ARHGEF38: variants seen among roughly 807,000 people sequenced by gnomAD.
ARHGEF38 encodes the protein Rho guanine nucleotide exchange factor 38.
A neutral mutation model predicts 79.9 loss-of-function variants in ARHGEF38; 79 were observed. The observed-to-expected ratio is 0.99, with a 90% CI of 0.82 to 1.19. The LOEUF is 1.19. ARHGEF38 is among the 50% of genes most tolerant of loss of function. ARHGEF38 has a pLI of 0.00. For missense variants in ARHGEF38, 962 were observed against 907.2 expected (o/e 1.06, Z -0.78); for synonymous variants, 366 against 328.3 (o/e 1.11, Z -1.24).
chr4:105,644,600 A>G (rs551077090), intron 5 of ARHGEF38, among the ~76,000 whole-genome samples: 53 of 152,372 alleles, frequency 3.5e-4, no homozygotes, highest in Admixed American at 5.9e-4. Flanking sequence ...TCACTGTGTG[A>G]TAGCAATGAT....
chr4:105,566,344 C>T (rs1342233826), intron 1 of ARHGEF38, among the ~76,000 whole-genome samples: 3 of 152,168 alleles, frequency 2.0e-5, no homozygotes, highest in African/African-American at 7.2e-5. Context: ...GGACTGATGT[C>T]CAGGCTGTGC....
chr4:105,586,559 T>C (rs918258954), intron 1 of ARHGEF38, among the ~76,000 whole-genome samples: 4 of 152,210 alleles, frequency 2.6e-5, no homozygotes, highest in Non-Finnish European at 5.9e-5. Context: ...GCAGGTTAAG[T>C]TAACATTGTG....
intron 13 of ARHGEF38, among the ~76,000 whole-genome samples, chr4:105,669,477 G>A (rs576355472): frequency 2.0e-5 from 3 of 152,100 alleles, no homozygotes; most frequent in Non-Finnish European, 2.9e-5. Flanking sequence ...TACATTTAAC[G>A]TCTTTATAGA....
At position 105,654,157 on chromosome 4, in the gene ARHGEF38, T is replaced by G; in HGVS notation, c.1101T>G (p.Leu367=). Residue 367 remains leucine, a synonymous_variant, in exon 8 of 14, where the codon CTT becomes CTG. Coordinates refer to ENST00000420470, the MANE Select transcript of ARHGEF38 (RefSeq NM_001242729.2). Reference sequence around the variant, plus strand: ...GTGTGAAGAACATTTCACTCTGTCTTCAACACATACAGGTAGGTGAGACAC... The same window carrying G: ...GTGTGAAGAACATTTCACTCTGTCTGCAACACATACAGGTAGGTGAGACAC... ...RLCVKNISLC[L]QHIQDAMPLA... is the part of the protein sequence containing the mutation. 6.7e-7 allele frequency: 1 copy of G among 1,494,414 alleles called. No individual in the cohort carries two copies. The highest frequency in any genetic ancestry group is 8.9e-7 in the Non-Finnish European group (1 of 1,119,050). The allele number at this position is 1,494,414 out of a possible 1,614,324, so 92.6% of individuals were successfully genotyped here.
At chr4:105,617,411 TTATTTTTA>T (rs1363278544) in intron 3 of ARHGEF38, among the ~76,000 whole-genome samples, 3 of 152,208 alleles carry the variant, frequency 2.0e-5, no homozygotes, top group Admixed American at 1.3e-4. Context: ...AAATTTGCAT[TTATTTTTA>T]TATACACAAA....
chr4:105,665,468 G>A lies in ARHGEF38; in HGVS notation c.1546-709G>A, dbSNP rs553643793. 2.0e-5 allele frequency among the ~76,000 whole-genome samples: 3 copies of A among 151,932 alleles called. No individual in the cohort carries two copies. In the East Asian group the frequency reaches 5.9e-4, roughly 30 times the overall value. ...GCCAAAATCGTGCCTCTGCACTCCAGCCTGAAAAAAAAAATTTTTTTTTTA... is the reference window on the plus strand; with the variant it reads ...GCCAAAATCGTGCCTCTGCACTCCAACCTGAAAAAAAAAATTTTTTTTTTA... On this transcript the variant is annotated intron_variant, in intron 10 of 13. Coordinates refer to ENST00000420470, the MANE Select transcript of ARHGEF38 (RefSeq NM_001242729.2).
At position 105,589,390 on chromosome 4, in the gene ARHGEF38, A is replaced by G. The variant is rs377228216; in HGVS notation, c.339A>G (p.Leu113=). 1 of 1,613,900 alleles carries G rather than the reference A, an allele frequency of 6.2e-7. No homozygotes were observed. Among genetic ancestry groups the G allele is most frequent in the Middle Eastern group, 1.7e-4 (1 of 6,058 alleles). ...IQTEKDYLND[L]ELCVREVVQP... ...CAGAAAAGGATTATCTCAATGATCT[A>G]GAGCTGTGTGTTAGGGAAGTGGTTC... The change falls in exon 2 of 14, where the codon CTA becomes CTG. Residue 113 remains leucine (L), a synonymous_variant. Transcript: ENST00000420470.
chr4:105,666,973 CG>C (rs1730773500), intron 11 of ARHGEF38, among the ~76,000 whole-genome samples, 155 bp from the exon 12 acceptor site: 1 of 152,114 alleles, frequency 6.6e-6, no homozygotes, highest in Non-Finnish European at 1.5e-5. Context: ...GGGTACTTTA[CG>C]ATAATAGCCT....
At chr4:105,618,175 C>G (rs866212311) in intron 3 of ARHGEF38, among the ~76,000 whole-genome samples, 17 of 152,110 alleles carry the variant, frequency 1.1e-4, no homozygotes, top group African/African-American at 3.1e-4. Flanking sequence ...TATTTCCTTG[C>G]TTATAAAGTA....
chr4:105,566,105 C>A (rs534630207), intron 1 of ARHGEF38, among the ~76,000 whole-genome samples: 27 of 152,304 alleles, frequency 1.8e-4, no homozygotes, highest in Middle Eastern at 3.4e-3. Flanking sequence ...TCATGTCCCT[C>A]ATTTATTAAA....
At position 105,648,575 on chromosome 4, in the gene ARHGEF38, G is replaced by A; in HGVS notation, c.901G>A (p.Asp301Asn). Residue 301 changes from aspartate (D) to asparagine (N), a missense_variant, in exon 7 of 14, where the codon GAT becomes AAT. Transcript: ENST00000420470. ...LVLKYKKNDE[D>N]ESLKDKLSKL... ...TCTAAAATACAAGAAGAATGACGAG[G>A]ATGAATCACTTAAAGACAAATTGTC... The A allele has an allele frequency of 6.6e-7, 1 of 1,523,648 alleles. No individual in the cohort carries two copies. The highest frequency in any genetic ancestry group is 8.8e-7 in the Non-Finnish European group (1 of 1,142,196). 94.4% of individuals were successfully genotyped at this position (1,523,648 alleles called of 1,614,324 possible).
At chr4:105,609,636 C>T (rs1728199654) in intron 2 of ARHGEF38, among the ~76,000 whole-genome samples, 1 of 152,024 alleles carries the variant, frequency 6.6e-6, no homozygotes, top group Non-Finnish European at 1.5e-5. Context: ...ACACAAGACC[C>T]TGAAGCGCCA....
In ARHGEF38 at chr4:105,638,735, ATT is replaced by A. The variant is rs1342919994; in HGVS notation, c.674+2316_674+2317del. Among the ~76,000 whole-genome samples, 3 of 75,350 alleles carry A rather than the reference ATT, an allele frequency of 4.0e-5. No homozygotes were observed. In the African/African-American group the frequency reaches 5.1e-4, roughly 13 times the overall value. The allele number at this position is 75,350 out of a possible 152,430, so 49.4% of individuals were successfully genotyped here. On this transcript the variant is annotated intron_variant, in intron 5 of 13. Coordinates refer to ENST00000420470, the MANE Select transcript of ARHGEF38 (RefSeq NM_001242729.2). ...TTCTTGTATGTCGACTTGCTACCTC[ATT>A]CATCATCAATATGTTGTGAATATCT... is the stretch of plus-strand genomic sequence containing the variant.
intron 1 of ARHGEF38, among the ~76,000 whole-genome samples, chr4:105,567,585 G>A (rs1356936613): frequency 1.3e-5 from 2 of 152,150 alleles, no homozygotes; most frequent in African/African-American, 4.8e-5. Flanking sequence ...ACATCAGTTT[G>A]TGTATTTAAG....
At chr4:105,665,750 G>A (rs1024067779) in intron 10 of ARHGEF38, among the ~76,000 whole-genome samples, 1 of 152,240 alleles carries the variant, frequency 6.6e-6, no homozygotes, top group Non-Finnish European at 1.5e-5. Context: ...CAGTTTTTGA[G>A]GGGTAGGGAT....
intron 1 of ARHGEF38, among the ~76,000 whole-genome samples, chr4:105,566,917 C>G (rs1030941682): frequency 6.6e-6 from 1 of 152,088 alleles, no homozygotes; most frequent in Admixed American, 6.6e-5. Flanking sequence ...CCACGCCCAG[C>G]TAATTTTGTA....
intron 5 of ARHGEF38, among the ~76,000 whole-genome samples, chr4:105,638,681 A>G (rs1188729509): frequency 6.6e-6 from 1 of 152,190 alleles, no homozygotes; most frequent in East Asian, 1.9e-4. Flanking sequence ...TCACACACAT[A>G]CATTGACTAA....
intron 1 of ARHGEF38, among the ~76,000 whole-genome samples, chr4:105,555,828 C>A (rs1725228263): frequency 6.6e-6 from 1 of 152,144 alleles, no homozygotes; most frequent in Non-Finnish European, 1.5e-5. Flanking sequence ...TGCTCTTGAG[C>A]TTGTCTTTTA....
At chr4:105,563,747 C>G (rs1293984478) in intron 1 of ARHGEF38, among the ~76,000 whole-genome samples, 2 of 152,166 alleles carry the variant, frequency 1.3e-5, no homozygotes, top group African/African-American at 4.8e-5. Flanking sequence ...ACAATACTCA[C>G]AAGCATCAAG....
Sources: allele counts gnomAD v4.1 joint callset (sites outside exome capture counted in the v4.1 genomes callset), GRCh38; gene constraint gnomAD v4.1.1; transcripts MANE v1.5; gene names NCBI Gene and HGNC (gene_info 2026-07-23, HGNC 2026-07-21).